Variants in ST6GALNAC3 observed in about 807,000 individuals in gnomAD.
The protein encoded by ST6GALNAC3 is ST6 N-acetylgalactosaminide alpha-2,6-sialyltransferase 3, also known as alpha-N-acetylgalactosaminide alpha-2,6-sialyltransferase 3.
Under a neutral mutation model 32.7 loss-of-function variants are expected in ST6GALNAC3, and 25 were observed. That is an observed-to-expected ratio of 0.76 (90% CI 0.56 to 1.07). The LOEUF is 1.07. Among genes scored for constraint, ST6GALNAC3 ranks in the 50% least tolerant of loss-of-function variants. The pLI, the probability that ST6GALNAC3 is intolerant of heterozygous loss-of-function variation, is 0.00. For synonymous variants in ST6GALNAC3, 129 were observed against 133.1 expected (o/e 0.97, Z 0.21); for missense variants, 355 against 382.4 (o/e 0.93, Z 0.60).
intron 1 of ST6GALNAC3, among the ~76,000 whole-genome samples, chr1:76,304,954 T>C (rs12754064): frequency 0.2 from 30,209 of 151,928 alleles, 3,341 homozygotes; most frequent in South Asian, 0.33. Flanking sequence ...ATACAACCAA[T>C]GAAGCCTATA....
chr1:76,582,346 T>A (rs1157289935), intron 3 of ST6GALNAC3, among the ~76,000 whole-genome samples: 2 of 152,144 alleles, frequency 1.3e-5, no homozygotes, highest in Non-Finnish European at 2.9e-5. Context: ...GGTGGCTGGG[T>A]TCTGAGACAG....
chr1:76,402,310 G>A (rs1653487456), intron 2 of ST6GALNAC3, among the ~76,000 whole-genome samples: 1 of 152,112 alleles, frequency 6.6e-6, no homozygotes, highest in African/African-American at 2.4e-5. Flanking sequence ...GTCTTAGAAT[G>A]TACAATGTAA....
chr1:76,593,934 A>G (rs1306211669), intron 3 of ST6GALNAC3, among the ~76,000 whole-genome samples: 2 of 152,140 alleles, frequency 1.3e-5, no homozygotes, highest in Admixed American at 6.5e-5. Flanking sequence ...TCATTAATAG[A>G]ATCTCTGAGG....
At chr1:76,171,945 A>AGTTTG (rs1652542124) in intron 1 of ST6GALNAC3, among the ~76,000 whole-genome samples, 1 of 152,108 alleles carries the variant, frequency 6.6e-6, no homozygotes, top group African/African-American at 2.4e-5. Flanking sequence ...AAACTATTCC[A>AGTTTG]AACAGTTGAA....
At chr1:76,333,497 A>G (rs1202656240) in intron 2 of ST6GALNAC3, among the ~76,000 whole-genome samples, 1 of 152,156 alleles carries the variant, frequency 6.6e-6, no homozygotes, top group Non-Finnish European at 1.5e-5. Context: ...TTCTATTTTT[A>G]TTTCTGTAAA....
At chr1:76,592,500 T>C (rs552092274) in intron 3 of ST6GALNAC3, among the ~76,000 whole-genome samples, 1 of 152,252 alleles carries the variant, frequency 6.6e-6, no homozygotes, top group Admixed American at 6.5e-5. Context: ...ATGAGGGAAC[T>C]GTCCTGATGG....
intron 3 of ST6GALNAC3, among the ~76,000 whole-genome samples, chr1:76,500,178 C>T (rs899582610): frequency 8.5e-5 from 13 of 152,154 alleles, no homozygotes; most frequent in African/African-American, 2.7e-4. Context: ...CCTATTACTT[C>T]AGAAATATTT....
chr1:76,138,109 G>T (rs2100262791), intron 1 of ST6GALNAC3, among the ~76,000 whole-genome samples: 1 of 152,262 alleles, frequency 6.6e-6, no homozygotes, highest in African/African-American at 2.4e-5. Context: ...CTTCATTTTT[G>T]CTCTCAAAGA....
At chr1:76,084,798 C>T (rs1300474459) in intron 1 of ST6GALNAC3, among the ~76,000 whole-genome samples, 1 of 152,120 alleles carries the variant, frequency 6.6e-6, no homozygotes, top group Non-Finnish European at 1.5e-5. Context: ...CCAGTGTTAG[C>T]ATTTTTCTCA....
rs190737615 is a variant in ST6GALNAC3 at position 76,350,588 on chromosome 1, T to C, written c.213+36589T>C. Among the ~76,000 whole-genome samples, 25 of 152,262 alleles carry C rather than the reference T, an allele frequency of 1.6e-4. No individual in the cohort carries two copies. In the East Asian group the frequency reaches 3.1e-3, roughly 19 times the overall value. ...TCTAATAAAAGAATCATCAATAAGA[T>C]GGGTAAATGTGTGAATCATGTCTTA... On this transcript the variant is annotated intron_variant, in intron 2 of 4. Transcript: ENST00000328299.
chr1:76,381,923 G>T (rs890806590), intron 2 of ST6GALNAC3, among the ~76,000 whole-genome samples: 9 of 152,134 alleles, frequency 5.9e-5, no homozygotes, highest in Non-Finnish European at 1.5e-5. Context: ...AAGCCAAGAA[G>T]AATGCAGTAG....
rs191692003 is a variant in ST6GALNAC3 at position 76,586,526 on chromosome 1, T to C, written c.624-40926T>C. On this transcript the variant is annotated intron_variant, in intron 3 of 4. Transcript: ENST00000328299. ...CTCTCCTACTCCTATTATCACTCAT[T>C]CTGGTAATAAATGATAATGTTCATT... Among the ~76,000 whole-genome samples the C allele has an allele frequency of 2.1e-3, 316 of 152,342 alleles. 3 individuals are homozygous for C. The highest frequency in any genetic ancestry group is 7.1e-3 in the African/African-American group (296 of 41,582).
chr1:76,081,285 TAAAAAAA>T (rs10526487), intron 1 of ST6GALNAC3, among the ~76,000 whole-genome samples: 1 of 120,508 alleles, frequency 8.3e-6, no homozygotes, highest in Non-Finnish European at 1.7e-5. Flanking sequence ...GCTGGTGAGC[TAAAAAAA>T]AAAAAAAAAA....
intron 1 of ST6GALNAC3, among the ~76,000 whole-genome samples, chr1:76,148,717 G>A (rs1299425574): frequency 1.3e-5 from 2 of 152,164 alleles, no homozygotes; most frequent in Admixed American, 1.3e-4. Flanking sequence ...GTCCCCAGGG[G>A]CCTCAGTGGA....
chr1:76,556,831 T>G lies in ST6GALNAC3; in HGVS notation c.624-70621T>G, dbSNP rs1379874456. 3.3e-5 allele frequency among the ~76,000 whole-genome samples: 5 copies of G among 152,150 alleles called. 1 individual carries two copies. Among genetic ancestry groups the G allele is most frequent in the African/African-American group, 1.2e-4 (5 of 41,472 alleles). ...CTCACCTTGTGGGCTATCTTTTCAC[T>G]TTCTTGCCAGTGTGCTTTGAACACA... On this transcript the variant is annotated intron_variant, in intron 3 of 4. Transcript: ENST00000328299.
intron 1 of ST6GALNAC3, among the ~76,000 whole-genome samples, chr1:76,212,569 T>C (rs142798389): frequency 6.6e-6 from 1 of 152,316 alleles, no homozygotes; most frequent in Non-Finnish European, 1.5e-5. Flanking sequence ...AAAAAGCACC[T>C]GACCTGTGTA....
intron 1 of ST6GALNAC3, among the ~76,000 whole-genome samples, chr1:76,254,564 A>T (rs187905700): frequency 6.2e-4 from 94 of 152,256 alleles, no homozygotes; most frequent in Non-Finnish European, 7.4e-5. Flanking sequence ...GGTGAGAGAG[A>T]GACGATAGTT....
At chr1:76,154,075 A>C (rs998798083) in intron 1 of ST6GALNAC3, among the ~76,000 whole-genome samples, 22 of 152,260 alleles carry the variant, frequency 1.4e-4, no homozygotes, top group African/African-American at 5.3e-4. Context: ...GAGAGACATG[A>C]AACCCAACCT....
intron 3 of ST6GALNAC3, among the ~76,000 whole-genome samples, chr1:76,539,495 CA>C (rs1299131798): frequency 4.6e-5 from 7 of 152,102 alleles, no homozygotes; most frequent in Non-Finnish European, 1.0e-4. Context: ...GCAATGGTAA[CA>C]AAAGCCAAAA....
Sources: allele counts gnomAD v4.1 joint callset (sites outside exome capture counted in the v4.1 genomes callset), GRCh38; gene constraint gnomAD v4.1.1; transcripts MANE v1.5; gene names NCBI Gene and HGNC (gene_info 2026-07-23, HGNC 2026-07-21).